Variants in CKMT2 observed in about 807,000 individuals in gnomAD.
The protein encoded by CKMT2 is creatine kinase S-type, mitochondrial.
A neutral mutation model predicts 48.9 loss-of-function variants in CKMT2; 43 were observed. The ratio of observed to expected loss-of-function variants is 0.88; its 90% CI spans 0.69 to 1.13. The LOEUF (loss-of-function observed/expected upper bound fraction) is 1.13, where lower values mean the gene tolerates loss of function less well. Ranked by LOEUF, CKMT2 falls within the 50% of genes most tolerant of loss-of-function variation. The pLI is 0.00. For missense variants in CKMT2, 472 were observed against 555.4 expected, an observed-to-expected ratio of 0.85 and a Z score of 1.51; for synonymous variants, 206 against 213.0, an observed-to-expected ratio of 0.97 and a Z score of 0.29.
At chr5:81,255,732 G>A (rs1756984961) in intron 5 of CKMT2, among the ~76,000 whole-genome samples, 1 of 151,876 alleles carries the variant, frequency 6.6e-6, no homozygotes, top group Admixed American at 6.6e-5. Context: ...TCCGGCACCA[G>A]GGTGCACAAA....
In CKMT2 at chr5:81,263,533, A is replaced by C; in HGVS notation, c.1057A>C (p.Lys353Gln). 6.2e-7 allele frequency: 1 copy of C among 1,613,412 alleles called. No homozygotes were observed. The highest frequency in any genetic ancestry group is 8.5e-7 in the Non-Finnish European group (1 of 1,179,540). ...SKILENLRLQKRGTGGVDTAA... is the reference protein window; with the variant it reads ...SKILENLRLQQRGTGGVDTAA... ...GATCCTGGAAAACCTAAGACTCCAGAAGCGTGGCACAGGTGGTGTGGACAC... is the reference window on the plus strand; with the variant it reads ...GATCCTGGAAAACCTAAGACTCCAGCAGCGTGGCACAGGTGGTGTGGACAC... The change falls in exon 9 of 10, where the codon AAG (lysine) becomes CAG (glutamine). Residue 353 changes from lysine to glutamine, a missense_variant. Coordinates refer to ENST00000254035, the MANE Select transcript of CKMT2 (RefSeq NM_001099735.2).
At chr5:81,254,722 A>G in intron 4 of CKMT2, 1 of 595,306 alleles carries the variant, frequency 1.7e-6, no homozygotes, top group South Asian at 2.1e-5. Context: ...GGAACTTTAA[A>G]CCTTTCCTAA....
At chr5:81,234,068 G>GTTTC (rs1561273175) in intron 1 of CKMT2, among the ~76,000 whole-genome samples, 2 of 141,818 alleles carry the variant, frequency 1.4e-5, no homozygotes, top group African/African-American at 5.3e-5. Context: ...GGCCCCACGT[G>GTTTC]TTTCACCTGG....
chr5:81,257,844 T>C lies in CKMT2; in HGVS notation c.867T>C (p.Arg289=), dbSNP rs777426186. Residue 289 remains arginine (R), a synonymous_variant, in exon 7 of 10, where the codon CGT becomes CGC. Coordinates refer to ENST00000254035, the MANE Select transcript of CKMT2 (RefSeq NM_001099735.2). ...NMKRVFERFC[R]GLKEVERLIQ... The stretch of plus-strand genomic sequence containing the variant: ...AACGAGTATTTGAGCGATTCTGTCG[T>C]GGACTAAAAGAAGTAAGATGTTATC... The C allele has an allele frequency of 7.4e-6, 12 of 1,612,794 alleles. No individual in the cohort carries two copies. The South Asian group carries it at 1.2e-4, about 16-fold the overall frequency.
At chr5:81,242,453 A>C in intron 1 of CKMT2, 1 of 514,404 alleles carries the variant, frequency 1.9e-6, no homozygotes. Context: ...TGTCAATTTT[A>C]CAGAGGTCGC....
rs776170066 is a variant in CKMT2 at position 81,259,179 on chromosome 5, C to T, written c.939C>T (p.Tyr313=). ...TCATGTGGAATGAGCGCCTAGGATA[C>T]ATTTTGACCTGTCCTTCGAACCTTG... ...WEFMWNERLG[Y]ILTCPSNLGT... The change falls in exon 8 of 10, where the codon TAC becomes TAT. Residue 313 remains tyrosine (Y), a synonymous_variant. Coordinates refer to ENST00000254035, the MANE Select transcript of CKMT2 (RefSeq NM_001099735.2). The T allele has an allele frequency of 8.1e-6, 13 of 1,613,908 alleles. No individual in the cohort carries two copies. Among genetic ancestry groups the T allele is most frequent in the Non-Finnish European group, 5.9e-6 (7 of 1,179,948 alleles).
chr5:81,239,781 C>A (rs762895269), intron 1 of CKMT2, among the ~76,000 whole-genome samples: 1 of 151,874 alleles, frequency 6.6e-6, no homozygotes, highest in East Asian at 1.9e-4. Flanking sequence ...TTCTAGTTGC[C>A]CAGCAGAGGG....
intron 1 of CKMT2, among the ~76,000 whole-genome samples, chr5:81,236,683 C>T (rs1756253072): frequency 6.6e-6 from 1 of 152,036 alleles, no homozygotes; most frequent in African/African-American, 2.4e-5. Context: ...TTCAGTGATG[C>T]CAGGAAGTCA....
intron 3 of CKMT2, among the ~76,000 whole-genome samples, chr5:81,253,127 T>C (rs1449803376): frequency 3.3e-5 from 5 of 152,198 alleles, no homozygotes; most frequent in African/African-American, 1.2e-4. Flanking sequence ...GATCCCTCCC[T>C]GTGGAGGAAT....
chr5:81,264,782 CATTT>C (rs1329670921), intron 9 of CKMT2, among the ~76,000 whole-genome samples: 3 of 152,052 alleles, frequency 2.0e-5, no homozygotes, highest in Admixed American at 2.0e-4. Flanking sequence ...TTAAAAACAC[CATTT>C]ATTTAACCCA....
In CKMT2 at chr5:81,259,237, A is replaced by C; in HGVS notation, c.997A>C (p.Ile333Leu). Residue 333 changes from isoleucine (I) to leucine (L), a missense_variant, in exon 8 of 10, where the codon ATC becomes CTC. Ile to Leu is a conservative substitution (Grantham distance 5). Transcript: ENST00000254035. Reference sequence around the variant, plus strand: ...ACTACGAGCTGGTGTCCACGTTAGGATCCCAAAGCTCAGCAAGGTACTGTT... The same window carrying C: ...ACTACGAGCTGGTGTCCACGTTAGGCTCCCAAAGCTCAGCAAGGTACTGTT... ...TGLRAGVHVR[I>L]PKLSKDPRFS... 5 of 1,613,980 alleles carry C rather than the reference A, an allele frequency of 3.1e-6. No homozygotes were observed. The highest frequency in any genetic ancestry group is 4.2e-6 in the Non-Finnish European group (5 of 1,179,930).
At chr5:81,246,668 C>T (rs1369954267) in intron 1 of CKMT2, among the ~76,000 whole-genome samples, 1 of 152,298 alleles carries the variant, frequency 6.6e-6, no homozygotes, top group East Asian at 1.9e-4. Flanking sequence ...TTCCATGCTT[C>T]CTGCTGGGGC....
rs569500857 is a variant in CKMT2, at chr5:81,263,497, C to T, written c.1021C>T (p.Arg341Cys). 12 of 1,612,320 alleles carry T rather than the reference C, an allele frequency of 7.4e-6. No homozygotes were observed. Among genetic ancestry groups the T allele is most frequent in the African/African-American group, 5.3e-5 (4 of 74,936 alleles). ...VRIPKLSKDP[R>C]FSKILENLRL... The stretch of plus-strand genomic sequence containing the variant: ...TATTATCCCTTTGTCCTAGGACCCA[C>T]GCTTTTCTAAGATCCTGGAAAACCT... Residue 341 changes from arginine to cysteine, a missense_variant, in exon 9 of 10, where the codon CGC (arginine) becomes TGC (cysteine). By Grantham distance (180) the Arg-to-Cys change is radical (BLOSUM62 -3). Transcript: ENST00000254035.
At position 81,257,730 on chromosome 5, in the gene CKMT2, T is replaced by C. The variant is rs771708901; in HGVS notation, c.756-3T>C. Reference sequence around the variant, plus strand: ...CTCAGTACCATATTTCTCTCTTCATTAGGCATAATTATGATAAGACATTTC... The same window carrying C: ...CTCAGTACCATATTTCTCTCTTCATCAGGCATAATTATGATAAGACATTTC... On this transcript the variant is annotated splice_polypyrimidine_tract_variant and splice_region_variant and intron_variant, in intron 6 of 9. Transcript: ENST00000254035. 1 of 1,609,960 alleles carries C rather than the reference T, an allele frequency of 6.2e-7. No homozygotes were observed. Among genetic ancestry groups the C allele is most frequent in the Non-Finnish European group, 8.5e-7 (1 of 1,177,762 alleles).
Position 81,255,090 on chromosome 5 carries a change from G to A in CKMT2, c.545G>A (p.Arg182Gln), listed in dbSNP as rs368812686. 1.7e-5 allele frequency: 28 copies of A among 1,614,034 alleles called. No homozygotes were observed. Among genetic ancestry groups the A allele is most frequent in the South Asian group, 1.4e-4 (13 of 91,078 alleles). ...RGLSLPPACT[R>Q]AERREVENVA... Reference sequence around the variant, plus strand: ...CTGAGCCTGCCTCCAGCCTGCACCCGGGCCGAGCGAAGGGAGGTAGAGAAC... The same window carrying A: ...CTGAGCCTGCCTCCAGCCTGCACCCAGGCCGAGCGAAGGGAGGTAGAGAAC... The change falls in exon 5 of 10, where the codon CGG becomes CAG. Residue 182 changes from arginine to glutamine, a missense_variant. Arg to Gln is a conservative substitution (Grantham distance 43, BLOSUM62 1). Coordinates refer to ENST00000254035, the MANE Select transcript of CKMT2 (RefSeq NM_001099735.2).
chr5:81,244,198 C>T (rs1213776456), intron 1 of CKMT2: 1 of 985,130 alleles, frequency 1.0e-6, no homozygotes, highest in African/African-American at 1.7e-5. Flanking sequence ...AGTCACAAGC[C>T]AAGTGAGGTA....
rs991310276 is a variant in CKMT2 at position 81,237,315 on chromosome 5, G to T, written c.-21+3938G>T. On this transcript the variant is annotated intron_variant, in intron 1 of 9. Transcript: ENST00000254035. ...TCAGGGGAAGGGACTCATTTATTCA[G>T]TGCCTACTGCAGCCTGTCCCGTCGT... Among the ~76,000 whole-genome samples the T allele has an allele frequency of 2.2e-4, 34 of 152,224 alleles. 1 individual carries two copies. Among genetic ancestry groups the T allele is most frequent in the African/African-American group, 8.2e-4 (34 of 41,520 alleles).
At chr5:81,240,028 CCCT>C (rs1324244596) in intron 1 of CKMT2, among the ~76,000 whole-genome samples, 5 of 151,952 alleles carry the variant, frequency 3.3e-5, no homozygotes, top group Admixed American at 1.3e-4. Context: ...TATCTCTACC[CCCT>C]CCTCACCCCC....
chr5:81,265,660 T>C (rs967779728), intron 9 of CKMT2, among the ~76,000 whole-genome samples: 24 of 152,212 alleles, frequency 1.6e-4, no homozygotes, highest in African/African-American at 5.3e-4. Context: ...TAAGCTTGCC[T>C]AGCATAGTAC....
Sources: allele counts gnomAD v4.1 joint callset (sites outside exome capture counted in the v4.1 genomes callset), GRCh38; gene constraint gnomAD v4.1.1; transcripts MANE v1.5; gene names NCBI Gene and HGNC (gene_info 2026-07-23, HGNC 2026-07-21).